SASH1: variants seen among roughly 807,000 people sequenced by gnomAD.
SASH1 encodes the protein SAM and SH3 domain containing 1.
SASH1 carries 44 observed loss-of-function variants against 125.2 expected under a neutral mutation model. The observed-to-expected ratio is 0.35, with a 90% CI of 0.28 to 0.45. The LOEUF (loss-of-function observed/expected upper bound fraction) is 0.45, where lower values mean the gene tolerates loss of function less well. Ranked by LOEUF, SASH1 falls within the 20% of genes least tolerant of loss-of-function variation. The pLI is 1.00. For missense variants in SASH1, 1,426 were observed against 1,614.5 expected, an observed-to-expected ratio of 0.88 and a Z score of 2.00; for synonymous variants, 639 against 649.1, an observed-to-expected ratio of 0.98 and a Z score of 0.24.
chr6:148,407,056 A>G (rs1404886156), intron 2 of SASH1, among the ~76,000 whole-genome samples: 1 of 151,990 alleles, frequency 6.6e-6, no homozygotes, highest in Non-Finnish European at 1.5e-5. Flanking sequence ...TTTTTAAAAA[A>G]AATTATTTTA....
chr6:148,441,254 G>A (rs1776535403), intron 4 of SASH1, among the ~76,000 whole-genome samples: 3 of 152,234 alleles, frequency 2.0e-5, no homozygotes, highest in Admixed American at 2.0e-4. Flanking sequence ...ACGTTGGGGA[G>A]AGCGTGTGTG....
intron 2 of SASH1, among the ~76,000 whole-genome samples, chr6:148,402,245 G>A (rs150281801): frequency 3.0e-4 from 46 of 152,226 alleles, no homozygotes; most frequent in African/African-American, 1.1e-3. Flanking sequence ...AAACTAAAGA[G>A]GAAAAAACAA....
intron 1 of SASH1, among the ~76,000 whole-genome samples, chr6:148,354,850 C>T (rs1781867375): frequency 6.6e-6 from 1 of 152,152 alleles, no homozygotes; most frequent in African/African-American, 2.4e-5. Context: ...GCAACCTCTG[C>T]CTCCCGCGTT....
chr6:148,276,910 C>T (rs1408449099), intron 1 of SASH1, among the ~76,000 whole-genome samples: 1 of 152,030 alleles, frequency 6.6e-6, no homozygotes, highest in Non-Finnish European at 1.5e-5. Context: ...TGTAGCAAGA[C>T]CCCCATCTCT....
At chr6:148,246,759 A>G in the SASH1 span, among the ~76,000 whole-genome samples, 5 of 152,256 alleles carry the variant, frequency 3.3e-5, no homozygotes, top group African/African-American at 4.8e-5. Flanking sequence ...TACTTTTGCA[A>G]TGAAAAAGTA....
chr6:148,387,664 CTTTCTTTCTTTCTTTCTTTCTTTCT>C (rs1783517374), intron 1 of SASH1, among the ~76,000 whole-genome samples: 1 of 62,526 alleles, frequency 1.6e-5, no homozygotes, highest in African/African-American at 7.9e-5. Flanking sequence ...TTCTTTCTTT[CTTTCTTTCTTTCTTTCTTTCTTTCT>C]TTCGGCATCC....
intron 2 of SASH1, among the ~76,000 whole-genome samples, chr6:148,421,882 T>A (rs1476451151): frequency 6.6e-6 from 1 of 152,232 alleles, no homozygotes; most frequent in Non-Finnish European, 1.5e-5. Flanking sequence ...TTAAAGTCAT[T>A]TGCTCATTTT....
chr6:148,244,899 GGGGCA>G, the SASH1 span, among the ~76,000 whole-genome samples: 1 of 150,166 alleles, frequency 6.7e-6, no homozygotes, highest in Non-Finnish European at 1.5e-5. Context: ...CCTGAGGCCT[GGGGCA>G]TGTGTGTGTG....
chr6:148,448,181 C>T (rs570826638), intron 4 of SASH1, among the ~76,000 whole-genome samples: 11 of 151,488 alleles, frequency 7.3e-5, no homozygotes, highest in Non-Finnish European at 1.6e-4. Context: ...CACCTTCCAC[C>T]CTGAACTCCT....
chr6:148,414,478 G>A (rs1040428993), intron 2 of SASH1, among the ~76,000 whole-genome samples: 1 of 152,088 alleles, frequency 6.6e-6, no homozygotes, highest in Non-Finnish European at 1.5e-5. Flanking sequence ...TTCTCTTTCT[G>A]TAAGGAGATA....
intron 1 of SASH1, among the ~76,000 whole-genome samples, chr6:148,330,483 G>T (rs994928691): frequency 6.6e-6 from 1 of 152,170 alleles, no homozygotes; most frequent in African/African-American, 2.4e-5. Context: ...AAATCAATTT[G>T]GTTGATGGAT....
At chr6:148,304,655 T>TA (rs1343440734) in intron 1 of SASH1, among the ~76,000 whole-genome samples, 1 of 151,976 alleles carries the variant, frequency 6.6e-6, no homozygotes, top group African/African-American at 2.4e-5. Context: ...TCTTCCACCT[T>TA]AAAAAAAGAG....
intron 1 of SASH1, among the ~76,000 whole-genome samples, chr6:148,387,583 TCTTTCTTTCTTTC>T (rs1783454351): frequency 1.5e-4 from 1 of 6,526 alleles, no homozygotes; most frequent in African/African-American, 8.6e-4. Context: ...TTTCTTTCTT[TCTTTCTTTCTTTC>T]TTTCTTTCTT....
At chr6:148,427,531 CATGCAAA>C (rs776056565) in intron 2 of SASH1, among the ~76,000 whole-genome samples, 38 of 125,628 alleles carry the variant, frequency 3.0e-4, no homozygotes, top group Admixed American at 1.1e-3. Flanking sequence ...TTCTTATCTC[CATGCAAA>C]ATGCTTGGTA....
chr6:148,413,666 G>C (rs1480933790), intron 2 of SASH1, among the ~76,000 whole-genome samples: 2 of 152,140 alleles, frequency 1.3e-5, no homozygotes, highest in Non-Finnish European at 2.9e-5. Flanking sequence ...CAGGTAAATC[G>C]AGGCCGTTGA....
chr6:148,217,486 T>A, the SASH1 span, among the ~76,000 whole-genome samples: 1 of 152,166 alleles, frequency 6.6e-6, no homozygotes, highest in Non-Finnish European at 1.5e-5. Context: ...GTTTTGTTCT[T>A]ATCCCCATTT....
intron 2 of SASH1, among the ~76,000 whole-genome samples, chr6:148,399,113 T>C (rs1784067664): frequency 7.9e-6 from 1 of 127,210 alleles, no homozygotes; most frequent in Non-Finnish European, 1.8e-5. Context: ...GCAGACTGTT[T>C]GTGCACTTGC....
intron 2 of SASH1, among the ~76,000 whole-genome samples, chr6:148,434,465 T>C (rs1216066566): frequency 6.6e-6 from 1 of 152,238 alleles, no homozygotes; most frequent in Non-Finnish European, 1.5e-5. Flanking sequence ...AGATATACTC[T>C]CAGCGTTTTT....
At chr6:148,512,937 A>G in intron 8 of SASH1, 2 of 985,418 alleles carry the variant, frequency 2.0e-6, no homozygotes, top group Non-Finnish European at 2.4e-6. Flanking sequence ...CCATGGCTCC[A>G]TGCCTTGAGT....
Sources: allele counts gnomAD v4.1 joint callset (sites outside exome capture counted in the v4.1 genomes callset), GRCh38; gene constraint gnomAD v4.1.1; transcripts MANE v1.5; gene names NCBI Gene and HGNC (gene_info 2026-07-23, HGNC 2026-07-21).